BMPR1B: variants seen among roughly 807,000 people sequenced by gnomAD.
BMPR1B encodes the protein bone morphogenetic protein receptor type 1B.
A neutral mutation model predicts 59.1 loss-of-function variants in BMPR1B; 12 were observed. The ratio of observed to expected loss-of-function variants is 0.20; its 90% CI spans 0.13 to 0.33. The LOEUF is 0.33. BMPR1B is among the 10% of genes least tolerant of loss of function. The pLI is 1.00. For synonymous variants in BMPR1B, 237 were observed against 207.3 expected (o/e 1.14, Z -1.23); for missense variants, 550 against 610.9 (o/e 0.90, Z 1.05).
chr4:94,891,775 A>G (rs1294080883), intron 2 of BMPR1B, among the ~76,000 whole-genome samples: 1 of 152,066 alleles, frequency 6.6e-6, no homozygotes, highest in Non-Finnish European at 1.5e-5. Flanking sequence ...AGTGCCTCAA[A>G]TTGGCATTGA....
At chr4:94,916,235 G>A (rs1254530646) in intron 2 of BMPR1B, among the ~76,000 whole-genome samples, 2 of 152,208 alleles carry the variant, frequency 1.3e-5, no homozygotes, top group Non-Finnish European at 2.9e-5. Flanking sequence ...AAGCAGCTTT[G>A]GAACTGGGTA....
chr4:94,839,617 A>G (rs1044435469), intron 1 of BMPR1B, among the ~76,000 whole-genome samples: 2 of 148,552 alleles, frequency 1.3e-5, no homozygotes, highest in African/African-American at 5.0e-5. Context: ...TGCTTGGTAG[A>G]TCTTCCTCCA....
At chr4:94,940,936 T>A (rs1024674240) in intron 2 of BMPR1B, among the ~76,000 whole-genome samples, 1 of 152,156 alleles carries the variant, frequency 6.6e-6, no homozygotes, top group Non-Finnish European at 1.5e-5. Flanking sequence ...TGGTACTAGG[T>A]ACATTATAAG....
chr4:94,942,537 C>G (rs1056271851), intron 2 of BMPR1B, among the ~76,000 whole-genome samples: 5 of 152,080 alleles, frequency 3.3e-5, no homozygotes, highest in African/African-American at 7.2e-5. Context: ...TAATAGGCAG[C>G]AAATTAAATA....
At chr4:94,856,506 G>C (rs1725760258) in intron 1 of BMPR1B, among the ~76,000 whole-genome samples, 1 of 152,162 alleles carries the variant, frequency 6.6e-6, no homozygotes, top group Non-Finnish European at 1.5e-5. Context: ...TCAATGGTAG[G>C]CATTTTAGTT....
chr4:95,043,941 A>G (rs897838784), intron 3 of BMPR1B, among the ~76,000 whole-genome samples: 4 of 152,354 alleles, frequency 2.6e-5, no homozygotes, highest in Admixed American at 1.3e-4. Flanking sequence ...TCTTCAGTTT[A>G]TTTAGCTATG....
intron 1 of BMPR1B, among the ~76,000 whole-genome samples, chr4:94,816,876 G>A (rs1338384475): frequency 6.6e-6 from 1 of 152,110 alleles, no homozygotes; most frequent in African/African-American, 2.4e-5. Context: ...GTAAAGATAG[G>A]TAATGCCATG....
chr4:95,074,108 T>A lies in BMPR1B; in HGVS notation c.-17-30300T>A, dbSNP rs562622272. On this transcript the variant is annotated intron_variant, in intron 3 of 12. Coordinates refer to ENST00000515059, the MANE Select transcript of BMPR1B (RefSeq NM_001203.3). The stretch of plus-strand genomic sequence containing the variant: ...TTTGCCTTGGTAAGTGTTTTTTTTT[T>A]ACTGAAGATACTTGGAAATCCTGTT... 2.0e-3 allele frequency among the ~76,000 whole-genome samples: 302 copies of A among 152,168 alleles called. 1 individual carries two copies. Among genetic ancestry groups the A allele is most frequent in the African/African-American group, 6.2e-3 (256 of 41,544 alleles).
intron 3 of BMPR1B, among the ~76,000 whole-genome samples, chr4:95,081,673 G>A (rs978853679): frequency 1.3e-5 from 2 of 152,008 alleles, no homozygotes; most frequent in African/African-American, 4.8e-5. Flanking sequence ...TCATTGATAG[G>A]GTTTTAGAAC....
intron 3 of BMPR1B, among the ~76,000 whole-genome samples, chr4:95,005,324 G>C (rs1722742907): frequency 1.3e-5 from 2 of 152,096 alleles, no homozygotes; most frequent in Non-Finnish European, 2.9e-5. Flanking sequence ...TGTATTGCCA[G>C]TGGTATTAAT....
At chr4:94,863,040 C>G (rs1162634706) in intron 1 of BMPR1B, among the ~76,000 whole-genome samples, 3 of 151,714 alleles carry the variant, frequency 2.0e-5, no homozygotes, top group African/African-American at 7.3e-5. Flanking sequence ...ATCGCTTGAC[C>G]TGGAGGCAGA....
At chr4:94,882,967 CGTGTGTGTGTAT>C (rs1727034278) in intron 2 of BMPR1B, among the ~76,000 whole-genome samples, 1 of 136,718 alleles carries the variant, frequency 7.3e-6, no homozygotes, top group South Asian at 2.5e-4. Context: ...TGTGTGTGTG[CGTGTGTGTGTAT>C]GTGTGTGTGT....
At chr4:94,825,054 A>G (rs2110660496) in intron 1 of BMPR1B, among the ~76,000 whole-genome samples, 1 of 152,296 alleles carries the variant, frequency 6.6e-6, no homozygotes, top group South Asian at 2.1e-4. Flanking sequence ...TGTAGTTTTG[A>G]TGCCAGAGGT....
chr4:94,793,549 G>A (rs1723064423), intron 1 of BMPR1B, among the ~76,000 whole-genome samples: 1 of 149,206 alleles, frequency 6.7e-6, no homozygotes. Flanking sequence ...GGGATGGCTG[G>A]GTCAAATGGT....
chr4:94,975,489 A>G (rs1410197563), intron 2 of BMPR1B, among the ~76,000 whole-genome samples: 1 of 149,370 alleles, frequency 6.7e-6, no homozygotes, highest in Non-Finnish European at 1.5e-5. Context: ...CAGCCTCCCA[A>G]ATAGCTGGGA....
chr4:94,807,113 G>A (rs2110632112), intron 1 of BMPR1B, among the ~76,000 whole-genome samples: 1 of 151,922 alleles, frequency 6.6e-6, no homozygotes, highest in East Asian at 1.9e-4. Context: ...TTCTTTTTTA[G>A]AGACAGAGTC....
chr4:94,968,578 A>G (rs1730649108), intron 2 of BMPR1B, among the ~76,000 whole-genome samples: 1 of 152,066 alleles, frequency 6.6e-6, no homozygotes, highest in African/African-American at 2.4e-5. Flanking sequence ...ACCCAAAGTG[A>G]GTTTATACTT....
chr4:95,115,648 A>G (rs767695185), intron 5 of BMPR1B, 37 bp from the exon 6 acceptor site: 18 of 1,548,834 alleles, frequency 1.2e-5, no homozygotes, highest in Non-Finnish European at 1.4e-5. Flanking sequence ...TGAAATTTGG[A>G]AGAAACTCAC....
chr4:95,002,872 C>A (rs1431491871), intron 3 of BMPR1B, among the ~76,000 whole-genome samples: 1 of 151,952 alleles, frequency 6.6e-6, no homozygotes, highest in East Asian at 1.9e-4. Flanking sequence ...ATTTAATTTA[C>A]TTATTTTTAA....
Sources: gnomAD v4.1 joint callset for allele counts (sites outside exome capture counted in the v4.1 genomes callset) on GRCh38, gnomAD v4.1.1 for gene constraint, MANE v1.5 for transcripts, NCBI Gene and HGNC (gene_info 2026-07-23, HGNC 2026-07-21) for gene names.